Variants in OGA observed in about 807,000 individuals in gnomAD.
OGA encodes O-GlcNAcase.
OGA carries 21 observed loss-of-function variants against 102.0 expected under a neutral mutation model. The ratio of observed to expected loss-of-function variants is 0.21; its 90% CI spans 0.15 to 0.30. The LOEUF (loss-of-function observed/expected upper bound fraction) is 0.30. OGA is among the 10% of genes least tolerant of loss of function. OGA has a pLI of 1.00. For missense variants in OGA, 765 were observed against 1,107.8 expected, an observed-to-expected ratio of 0.69 and a Z score of 4.39; for synonymous variants, 408 against 378.2, an observed-to-expected ratio of 1.08 and a Z score of -0.91.
At chr10:101,787,315 C>A (rs372473008) in intron 15 of OGA, 49 bp downstream of exon 15, 67 of 1,506,094 alleles carry the variant, frequency 4.4e-5, no homozygotes, top group Non-Finnish European at 5.8e-5. Context: ...ATATATAGTT[C>A]TTTCCCTATC....
intron 1 of OGA, among the ~76,000 whole-genome samples, chr10:101,814,373 A>T (rs1261410783): frequency 6.6e-6 from 1 of 152,232 alleles, no homozygotes; most frequent in African/African-American, 2.4e-5. Context: ...AGGTAAAGCA[A>T]TTAAAAACAA....
chr10:101,809,081 C>T lies in OGA; in HGVS notation c.480+1103G>A, dbSNP rs1444054658. 2.0e-5 allele frequency among the ~76,000 whole-genome samples: 3 copies of T among 152,138 alleles called. No homozygotes were observed. In the East Asian group the frequency reaches 5.8e-4, roughly 29 times the overall value. ...GGTTCACCTAGTCTGTTTTTCTTCT[C>T]ATCTTGGGAAACTAGCCATTTCCAG... On this transcript the variant is annotated intron_variant, in intron 4 of 15. Transcript: ENST00000361464.
Position 101,786,434 on chromosome 10 carries a change from C to A in OGA, c.*17G>T. Reference sequence around the variant, plus strand: ...GCAGTTAAGAGACTTTTGGACAGTTCACAGTGTCAACAAATGTCACAGGCT... The same window carrying A: ...GCAGTTAAGAGACTTTTGGACAGTTAACAGTGTCAACAAATGTCACAGGCT... On this transcript the variant is annotated 3_prime_UTR_variant, in exon 16 of 16. Transcript: ENST00000361464. 6.3e-7 allele frequency: 1 copy of A among 1,598,104 alleles called. No individual in the cohort carries two copies. Among genetic ancestry groups the A allele is most frequent in the South Asian group, 1.2e-5 (1 of 86,926 alleles).
chr10:101,817,091 C>CA (rs1347343341), intron 1 of OGA, among the ~76,000 whole-genome samples: 7 of 152,190 alleles, frequency 4.6e-5, no homozygotes, highest in African/African-American at 1.7e-4. Flanking sequence ...CTGAAACAAG[C>CA]ATCTGGTAAT....
chr10:101,786,877 C>T (rs940693149), intron 15 of OGA, among the ~76,000 whole-genome samples: 3 of 152,326 alleles, frequency 2.0e-5, no homozygotes, highest in African/African-American at 7.2e-5. Flanking sequence ...AAGCAAGTCT[C>T]CTGCCTCAGC....
chr10:101,803,792 T>C lies in OGA; in HGVS notation c.979A>G (p.Thr327Ala). 6.2e-7 allele frequency: 1 copy of C among 1,614,146 alleles called. No homozygotes were observed. The highest frequency in any genetic ancestry group is 8.5e-7 in the Non-Finnish European group (1 of 1,179,994). The change falls in exon 7 of 16, where the codon ACC becomes GCC. Residue 327 changes from threonine (T) to alanine (A), a missense_variant. By Grantham distance (58) the Thr-to-Ala change is moderately conservative. Transcript: ENST00000361464. ...EFEANYVAIH[T>A]LATWYKSNMN... ...TTTGATTTGTACCAGGTGGCAAGGG[T>C]GTGGATAGCAACGTAGTTGGCTTCA...
chr10:101,807,984 T>A, intron 4 of OGA, 83 bp from the exon 5 acceptor site: 5 of 1,074,656 alleles, frequency 4.7e-6, no homozygotes, highest in Non-Finnish European at 6.4e-6. Context: ...ATACTTAAAA[T>A]CCAGTATTTT....
chr10:101,812,396 A>G (rs2065570372), intron 3 of OGA, among the ~76,000 whole-genome samples: 1 of 152,128 alleles, frequency 6.6e-6, no homozygotes, highest in Non-Finnish European at 1.5e-5. Context: ...GGACAGAGCA[A>G]GACTCTGTCT....
chr10:101,801,165 CA>C (rs2065386368), intron 7 of OGA, among the ~76,000 whole-genome samples: 2 of 151,732 alleles, frequency 1.3e-5, no homozygotes, highest in East Asian at 1.9e-4. Context: ...CTGAGGCGGG[CA>C]AATCACCTGA....
At chr10:101,815,961 G>GAAAAAAAAAAAAAAAAAAAAAAAAAAAAA (rs1185344174) in intron 1 of OGA, among the ~76,000 whole-genome samples, 3 of 23,790 alleles carry the variant, frequency 1.3e-4, no homozygotes, top group African/African-American at 2.2e-4. Flanking sequence ...ATCAAAAAGA[G>GAAAAAAAAAAAAAAAAAAAAAAAAAAAAA]AGAAAAAAAA....
chr10:101,797,643 A>G lies in OGA; in HGVS notation c.1984+337T>C, dbSNP rs1295657744. ...AGCAGCAGAAAGCTTGTGGAGTCAC[A>G]TTTCATAGTGTCTCATCTCCAAATC... is the stretch of plus-strand genomic sequence containing the variant. On this transcript the variant is annotated intron_variant, in intron 10 of 15. Transcript: ENST00000361464. The G allele has an allele frequency of 6.6e-6, 3 of 452,810 alleles. No individual in the cohort carries two copies. The East Asian group carries it at 1.2e-4, about 17-fold the overall frequency. 28.0% of individuals were successfully genotyped at this position (452,810 alleles called of 1,614,324 possible).
At chr10:101,790,463 G>C (rs888804645) in intron 14 of OGA, among the ~76,000 whole-genome samples, 9 of 151,846 alleles carry the variant, frequency 5.9e-5, no homozygotes, top group Admixed American at 2.6e-4. Flanking sequence ...TTTTAGTAGA[G>C]ATGGAGTTTC....
chr10:101,788,499 G>A (rs1022858263), intron 14 of OGA, among the ~76,000 whole-genome samples: 3 of 151,686 alleles, frequency 2.0e-5, no homozygotes, highest in African/African-American at 7.3e-5. Context: ...AACTTTGGGA[G>A]GCCGAGACAG....
chr10:101,813,409 G>T lies in OGA; in HGVS notation c.251+146C>A, dbSNP rs1356327334. 5 of 596,228 alleles carry T rather than the reference G, an allele frequency of 8.4e-6. No homozygotes were observed. In the East Asian group the frequency reaches 1.5e-4, roughly 18 times the overall value. 36.9% of individuals were successfully genotyped at this position (596,228 alleles called of 1,614,324 possible). On this transcript the variant is annotated intron_variant, in intron 2 of 15. Coordinates refer to ENST00000361464, the MANE Select transcript of OGA (RefSeq NM_012215.5). The stretch of plus-strand genomic sequence containing the variant: ...TTTGAAAATCAAAGGCCTAGGTGAA[G>T]AAAAAAGGGACCAAGGTAAAATAAC...
At chr10:101,817,792 T>C in intron 1 of OGA, 32 bp downstream of exon 1, 1 of 1,534,798 alleles carries the variant, frequency 6.5e-7, no homozygotes. Flanking sequence ...AACGTGTTAG[T>C]GCCAAAACGG....
At chr10:101,817,428 C>T (rs2065647911) in intron 1 of OGA, among the ~76,000 whole-genome samples, 1 of 152,164 alleles carries the variant, frequency 6.6e-6, no homozygotes, top group Non-Finnish European at 1.5e-5. Context: ...CAGTGTGGGC[C>T]GATTTTCCAC....
At chr10:101,807,120 T>C (rs1257176406) in intron 5 of OGA, among the ~76,000 whole-genome samples, 1 of 152,146 alleles carries the variant, frequency 6.6e-6, no homozygotes, top group African/African-American at 2.4e-5. Flanking sequence ...TAAAATAAGG[T>C]TCTCGGCTCA....
chr10:101,818,341 C>G lies in OGA; in HGVS notation c.-319G>C. ...CCAAGGGTCCTGTCCTCGTTCTCTG[C>G]CTCTGCTGCCCTCCCGATAATCTTA... On this transcript the variant is annotated 5_prime_UTR_variant, in exon 1 of 16. Coordinates refer to ENST00000361464, the MANE Select transcript of OGA (RefSeq NM_012215.5). 8.9e-7 allele frequency: 1 copy of G among 1,124,634 alleles called. No homozygotes were observed. Among genetic ancestry groups the G allele is most frequent in the South Asian group, 3.3e-5 (1 of 30,052 alleles). 69.7% of individuals were successfully genotyped at this position (1,124,634 alleles called of 1,614,324 possible).
At position 101,810,317 on chromosome 10, in the gene OGA, A is replaced by G. The variant is rs1488504250; in HGVS notation, c.350-3T>C. Reference sequence around the variant, plus strand: ...AGAGATGAGAGTCATAAGTTGCTCTAAAGAACAGAGTCTATGTTTTTAGAA... The same window carrying G: ...AGAGATGAGAGTCATAAGTTGCTCTGAAGAACAGAGTCTATGTTTTTAGAA... On this transcript the variant is annotated splice_polypyrimidine_tract_variant and splice_region_variant and intron_variant, in intron 3 of 15. Coordinates refer to ENST00000361464, the MANE Select transcript of OGA (RefSeq NM_012215.5). 3 of 1,608,014 alleles carry G rather than the reference A, an allele frequency of 1.9e-6. No homozygotes were observed. Among genetic ancestry groups the G allele is most frequent in the East Asian group, 2.2e-5 (1 of 44,794 alleles).
Sources: allele counts gnomAD v4.1 joint callset (sites outside exome capture counted in the v4.1 genomes callset), GRCh38; gene constraint gnomAD v4.1.1; transcripts MANE v1.5; gene names NCBI Gene and HGNC (gene_info 2026-07-23, HGNC 2026-07-21).